Variants in DST observed in about 807,000 individuals in gnomAD.
DST encodes bullous pemphigoid antigen.
In DST, 253 loss-of-function variants were observed where a neutral mutation model predicts 875.2. The ratio of observed to expected loss-of-function variants is 0.29; its 90% CI spans 0.26 to 0.32. DST has a LOEUF of 0.32. DST is among the 10% of genes least tolerant of loss of function. The pLI, the probability that DST is intolerant of heterozygous loss-of-function variation, is 1.00. For synonymous variants in DST, 3,124 were observed against 3,197.1 expected (o/e 0.98, Z 0.77); for missense variants, 8,287 against 9,111.6 (o/e 0.91, Z 3.68).
intron 4 of DST, among the ~76,000 whole-genome samples, chr6:56,810,713 A>T (rs1306446180): frequency 1.5e-5 from 2 of 136,380 alleles, no homozygotes; most frequent in African/African-American, 3.1e-5. Flanking sequence ...TCTCACAGGG[A>T]AAAAAAAAAA....
intron 61 of DST, among the ~76,000 whole-genome samples, chr6:56,549,815 T>C (rs766218254): frequency 6.6e-6 from 1 of 152,182 alleles, no homozygotes; most frequent in African/African-American, 2.4e-5. Flanking sequence ...ACAGCAAAGA[T>C]GATTAGAAAA....
chr6:56,741,106 A>G (rs978365711), intron 4 of DST, among the ~76,000 whole-genome samples: 1 of 152,212 alleles, frequency 6.6e-6, no homozygotes. Flanking sequence ...AACAGATTCT[A>G]TAGATAAATT....
chr6:56,460,053 A>G (rs905150665), intron 103 of DST, 78 bp downstream of exon 103: 4 of 1,482,202 alleles, frequency 2.7e-6, no homozygotes, highest in Non-Finnish European at 3.6e-6. Context: ...TTCTTCCCCA[A>G]TGAGGAGGAA....
At chr6:56,923,287 G>C (rs1805194232) in intron 2 of DST, among the ~76,000 whole-genome samples, 1 of 151,912 alleles carries the variant, frequency 6.6e-6, no homozygotes, top group Admixed American at 6.5e-5. Context: ...AATAAGAATA[G>C]AAGGAAACTG....
chr6:56,608,742 T>TTTTAA lies in DST; in HGVS notation c.5881_5885dup (p.Lys1962AsnfsTer2). 1 of 1,610,198 alleles carries TTTTAA rather than the reference T, an allele frequency of 6.2e-7. No individual in the cohort carries two copies. The highest frequency in any genetic ancestry group is 8.5e-7 in the Non-Finnish European group (1 of 1,178,058). Reference sequence around the variant, plus strand: ...TTAAAATGCTTATGTTTCTTCCACATTTTAATGTTATTCTACCTCCTTCTT... The same window carrying TTTTAA: ...TTAAAATGCTTATGTTTCTTCCACATTTTAATTTAATGTTATTCTACCTCCTTCTT... On this transcript the variant is annotated stop_gained and frameshift_variant, in exon 40 of 104. Transcript: ENST00000680361. LOFTEE classifies it high-confidence loss of function.
intron 61 of DST, among the ~76,000 whole-genome samples, chr6:56,539,081 A>G (rs536142811): frequency 3.3e-5 from 5 of 152,178 alleles, no homozygotes; most frequent in Non-Finnish European, 5.9e-5. Context: ...GTAAATAAAC[A>G]TTCAAGGAAA....
chr6:56,651,048 T>C lies in DST; in HGVS notation c.1328-16A>G. ...ACATCGACATCTAAAAACAGCAACA[T>C]AAATTAATTATTTCACAATGTTGAT... On this transcript the variant is annotated splice_polypyrimidine_tract_variant and intron_variant, in intron 11 of 103. Transcript: ENST00000680361. 7 of 1,593,268 alleles carry C rather than the reference T, an allele frequency of 4.4e-6. No homozygotes were observed. Among genetic ancestry groups the C allele is most frequent in the Non-Finnish European group, 5.2e-6 (6 of 1,162,334 alleles).
intron 9 of DST, among the ~76,000 whole-genome samples, chr6:56,691,364 G>A (rs562675039): frequency 1.1e-4 from 16 of 152,122 alleles, no homozygotes; most frequent in South Asian, 8.3e-4. Context: ...AAGGTGTAGC[G>A]GTGTATATAA....
chr6:56,789,620 G>A (rs1017201773), intron 4 of DST, among the ~76,000 whole-genome samples: 1 of 151,954 alleles, frequency 6.6e-6, no homozygotes, highest in Admixed American at 6.6e-5. Context: ...TTCTCCCCCA[G>A]CCCCTGGGAA....
intron 4 of DST, among the ~76,000 whole-genome samples, chr6:56,802,842 A>T (rs977447564): frequency 6.6e-6 from 1 of 152,240 alleles, no homozygotes; most frequent in Non-Finnish European, 1.5e-5. Flanking sequence ...TTCATAAAGC[A>T]CTGGATAATT....
intron 4 of DST, among the ~76,000 whole-genome samples, chr6:56,771,641 G>A (rs2099665405): frequency 6.6e-6 from 1 of 152,078 alleles, no homozygotes; most frequent in African/African-American, 2.4e-5. Context: ...GGAAATACCT[G>A]GACATTGCTT....
At chr6:56,779,890 A>G (rs2099688901) in intron 4 of DST, among the ~76,000 whole-genome samples, 1 of 95,606 alleles carries the variant, frequency 1.0e-5, no homozygotes, top group African/African-American at 4.3e-5. Context: ...CCCACCCCAT[A>G]ACATTCCCCA....
At chr6:56,505,672 T>C (rs1365913638) in intron 77 of DST, among the ~76,000 whole-genome samples, 1 of 152,082 alleles carries the variant, frequency 6.6e-6, no homozygotes, top group Non-Finnish European at 1.5e-5. Flanking sequence ...GCTTTAAAAA[T>C]AATATTCACT....
At chr6:56,894,531 C>G (rs1227019468) in intron 3 of DST, among the ~76,000 whole-genome samples, 18 of 57,718 alleles carry the variant, frequency 3.1e-4, no homozygotes, top group Non-Finnish European at 4.6e-4. Flanking sequence ...GGGCGGGGGG[C>G]TGACCCCCCC....
At chr6:56,541,632 C>T (rs945292428) in intron 61 of DST, 1 of 152,102 alleles carries the variant, frequency 6.6e-6, no homozygotes, top group Non-Finnish European at 1.5e-5. Flanking sequence ...TAAGATAAAG[C>T]ATCTTCCAAA....
At chr6:56,531,471 C>T (rs2096894524) in intron 64 of DST, among the ~76,000 whole-genome samples, 1 of 152,120 alleles carries the variant, frequency 6.6e-6, no homozygotes, top group Non-Finnish European at 1.5e-5. Flanking sequence ...TATCAGAGGA[C>T]AACATGAGAT....
chr6:56,935,326 C>G (rs955549242), intron 2 of DST, among the ~76,000 whole-genome samples: 1 of 152,258 alleles, frequency 6.6e-6, no homozygotes, highest in Non-Finnish European at 1.5e-5. Flanking sequence ...GGCAGTCACA[C>G]TCTAGATCAG....
At chr6:56,752,026 C>T (rs1009352973) in intron 4 of DST, among the ~76,000 whole-genome samples, 22 of 152,174 alleles carry the variant, frequency 1.4e-4, no homozygotes, top group Admixed American at 1.2e-3. Context: ...CTTAGATTTC[C>T]ATGCTTCTAA....
chr6:56,683,076 G>A (rs551723620), intron 9 of DST, among the ~76,000 whole-genome samples: 10 of 152,104 alleles, frequency 6.6e-5, no homozygotes, highest in African/African-American at 2.4e-4. Flanking sequence ...ACTTTTAATG[G>A]CAATTTATTC....
Sources: allele counts gnomAD v4.1 joint callset (sites outside exome capture counted in the v4.1 genomes callset), GRCh38; gene constraint gnomAD v4.1.1; transcripts MANE v1.5; gene names NCBI Gene and HGNC (gene_info 2026-07-23, HGNC 2026-07-21).